TMEM87A: variants seen among roughly 807,000 people sequenced by gnomAD.
TMEM87A encodes the protein transmembrane protein 87A, also known as Golgi-pH regulating cation channel.
Under a neutral mutation model 90.0 loss-of-function variants are expected in TMEM87A, and 50 were observed. The ratio of observed to expected loss-of-function variants is 0.56; its 90% CI spans 0.44 to 0.70. TMEM87A has a LOEUF of 0.70. Among genes scored for constraint, TMEM87A ranks in the 30% least tolerant of loss-of-function variants. The pLI is 0.00. For missense variants in TMEM87A, 577 were observed against 660.5 expected, an observed-to-expected ratio of 0.87 and a Z score of 1.39; for synonymous variants, 226 against 226.7, an observed-to-expected ratio of 1.00 and a Z score of 0.03.
intron 15 of TMEM87A, among the ~76,000 whole-genome samples, chr15:42,220,446 G>A (rs1411962777): frequency 6.6e-6 from 1 of 152,116 alleles, no homozygotes; most frequent in Non-Finnish European, 1.5e-5. Flanking sequence ...TACTCATAGG[G>A]GTGTTTTGTA....
In TMEM87A at chr15:42,269,905, C is replaced by T. The variant is rs188291628; in HGVS notation, c.206-1873G>A. 6.5e-3 allele frequency among the ~76,000 whole-genome samples: 901 copies of T among 139,072 alleles called. 7 individuals carry two copies. The highest frequency in any genetic ancestry group is 0.024 in the African/African-American group (854 of 36,286). 91.2% of individuals were successfully genotyped at this position (139,072 alleles called of 152,430 possible). A position where few individuals can be genotyped will look rare whatever the true frequency, so the allele number is the denominator to read the frequency against. On this transcript the variant is annotated intron_variant, in intron 2 of 19. Coordinates refer to ENST00000389834, the MANE Select transcript of TMEM87A (RefSeq NM_015497.5). ...GAGCCGAGATTGCGCCACTGCAATC[C>T]GCAGTCCGGCCTGGGCGACAGAGCG...
intron 7 of TMEM87A, among the ~76,000 whole-genome samples, chr15:42,242,774 AT>A (rs902419196): frequency 8.5e-4 from 129 of 152,170 alleles, no homozygotes; most frequent in Middle Eastern, 3.4e-3. Flanking sequence ...CATTCTTAAC[AT>A]TTTTTTTAAA....
intron 9 of TMEM87A, among the ~76,000 whole-genome samples, chr15:42,237,021 A>G (rs1176029451): frequency 6.6e-6 from 1 of 152,218 alleles, no homozygotes; most frequent in Non-Finnish European, 1.5e-5. Flanking sequence ...TGATATGACT[A>G]TATTTTATCA....
At chr15:42,230,559 C>G (rs747676104) in intron 12 of TMEM87A, among the ~76,000 whole-genome samples, 10 of 152,130 alleles carry the variant, frequency 6.6e-5, no homozygotes, top group Admixed American at 2.6e-4. Context: ...TTTTAAAGAG[C>G]AGGAGAAAAA....
chr15:42,268,970 T>G (rs1187230416), intron 2 of TMEM87A, among the ~76,000 whole-genome samples: 12 of 151,920 alleles, frequency 7.9e-5, no homozygotes, highest in Non-Finnish European at 2.9e-5. Flanking sequence ...CAAACATGGC[T>G]GTGGAAGGTA....
At chr15:42,233,412 A>G in intron 10 of TMEM87A, 106 bp from the exon 11 acceptor site, 1 of 757,432 alleles carries the variant, frequency 1.3e-6, no homozygotes, top group Non-Finnish European at 2.2e-6. Context: ...ATTTAAAGCA[A>G]TAAATAATAT....
chr15:42,268,361 CTAT>C (rs1418868314), intron 2 of TMEM87A, among the ~76,000 whole-genome samples: 1 of 152,180 alleles, frequency 6.6e-6, no homozygotes, highest in Non-Finnish European at 1.5e-5. Flanking sequence ...AGCCAGTCTT[CTAT>C]TATTTAAGTA....
At chr15:42,250,477 T>A (rs2051063131) in intron 6 of TMEM87A, among the ~76,000 whole-genome samples, 1 of 152,228 alleles carries the variant, frequency 6.6e-6, no homozygotes, top group Non-Finnish European at 1.5e-5. Flanking sequence ...GACAAAAATC[T>A]CTCAGCATTT....
chr15:42,252,017 G>C (rs2051095958), intron 6 of TMEM87A, among the ~76,000 whole-genome samples: 1 of 152,264 alleles, frequency 6.6e-6, no homozygotes, highest in Non-Finnish European at 1.5e-5. Context: ...TGCACTTGCA[G>C]TGAGCAAGGC....
At chr15:42,212,943 C>G (rs1321546088) in intron 19 of TMEM87A, among the ~76,000 whole-genome samples, 3 of 152,180 alleles carry the variant, frequency 2.0e-5, no homozygotes, top group African/African-American at 7.2e-5. Flanking sequence ...AAGCCCTGGA[C>G]ACTCCTTCCC....
intron 6 of TMEM87A, among the ~76,000 whole-genome samples, chr15:42,255,179 GC>G (rs1470683655): frequency 6.6e-6 from 1 of 151,910 alleles, no homozygotes; most frequent in Non-Finnish European, 1.5e-5. Context: ...TGTCGCCCAG[GC>G]TGGAATGCAA....
chr15:42,261,218 G>C lies in TMEM87A; in HGVS notation c.437C>G (p.Pro146Arg). ...TACCTCCTGTTTTTCTCCTAAAAGA[G>C]GCAGTCGATGCATAAAATCTCCAGA... ...TFSGDFMHRL[P>R]LLGEKQEAKE... The change falls in exon 5 of 20, where the codon CCT becomes CGT. Residue 146 changes from proline to arginine, a missense_variant. Pro to Arg is a moderately radical substitution (Grantham distance 103, BLOSUM62 -2). Coordinates refer to ENST00000389834, the MANE Select transcript of TMEM87A (RefSeq NM_015497.5). 1 of 1,613,300 alleles carries C rather than the reference G, an allele frequency of 6.2e-7. No individual in the cohort carries two copies. The highest frequency in any genetic ancestry group is 1.7e-4 in the Middle Eastern group (1 of 6,058).
In TMEM87A at chr15:42,250,019, T is replaced by C. The variant is rs147362866; in HGVS notation, c.505-5852A>G. 6.4e-4 allele frequency among the ~76,000 whole-genome samples: 98 copies of C among 152,372 alleles called. 1 individual carries two copies. In the East Asian group the frequency reaches 0.018, roughly 28 times the overall value. ...TGTTGAATTGACCCCTTTACCATTA[T>C]GTAATGGCCTTGTCTCTTTTGATCT... On this transcript the variant is annotated intron_variant, in intron 6 of 19. Coordinates refer to ENST00000389834, the MANE Select transcript of TMEM87A (RefSeq NM_015497.5).
intron 1 of TMEM87A, 61 bp downstream of exon 1, chr15:42,273,194 G>A (rs905311011): frequency 6.9e-6 from 11 of 1,600,992 alleles, no homozygotes; most frequent in African/African-American, 5.4e-5. Context: ...GGACCCCTTG[G>A]GCCGCCGTAG....
chr15:42,260,567 T>C (rs1204018466), intron 6 of TMEM87A, among the ~76,000 whole-genome samples: 1 of 152,222 alleles, frequency 6.6e-6, no homozygotes, highest in East Asian at 1.9e-4. Flanking sequence ...ATACAATGCA[T>C]ATTTATGAAA....
intron 6 of TMEM87A, among the ~76,000 whole-genome samples, chr15:42,250,092 C>A (rs1034780440): frequency 2.0e-5 from 3 of 152,134 alleles, no homozygotes; most frequent in African/African-American, 7.2e-5. Flanking sequence ...TGCAACCCTG[C>A]TTTTTCTTTT....
intron 19 of TMEM87A, among the ~76,000 whole-genome samples, chr15:42,212,071 T>C (rs1357098558): frequency 6.6e-6 from 1 of 152,172 alleles, no homozygotes; most frequent in Non-Finnish European, 1.5e-5. Context: ...ACTCCTCTAA[T>C]TCAGGAATTT....
chr15:42,223,829 C>T (rs187190241), intron 15 of TMEM87A, among the ~76,000 whole-genome samples: 2 of 152,178 alleles, frequency 1.3e-5, no homozygotes, highest in East Asian at 3.9e-4. Flanking sequence ...ACCAAATCTG[C>T]AGAAATTAAA....
intron 19 of TMEM87A, among the ~76,000 whole-genome samples, chr15:42,215,393 T>A (rs767701715): frequency 6.6e-6 from 1 of 152,064 alleles, no homozygotes; most frequent in African/African-American, 2.4e-5. Flanking sequence ...CCCAGCTACT[T>A]GGGAGGCTGA....
Sources: gnomAD v4.1 joint callset for allele counts (sites outside exome capture counted in the v4.1 genomes callset) on GRCh38, gnomAD v4.1.1 for gene constraint, MANE v1.5 for transcripts, NCBI Gene and HGNC (gene_info 2026-07-23, HGNC 2026-07-21) for gene names.